Variants in TMPRSS4 observed in about 807,000 individuals in gnomAD.
The protein encoded by TMPRSS4 is transmembrane protease serine 4.
In TMPRSS4, 45 loss-of-function variants were observed where a neutral mutation model predicts 56.4. The observed-to-expected ratio is 0.80, with a 90% CI of 0.63 to 1.02. The LOEUF (loss-of-function observed/expected upper bound fraction) is 1.02. Ranked by LOEUF, TMPRSS4 falls within the 50% of genes least tolerant of loss-of-function variation. The probability of loss-of-function intolerance (pLI) is 0.00; values close to 1 mark genes in which losing one functional copy is unlikely to be tolerated. For missense variants in TMPRSS4, 546 were observed against 556.7 expected (o/e 0.98, Z 0.19); for synonymous variants, 205 against 211.0 (o/e 0.97, Z 0.25).
intron 3 of TMPRSS4, among the ~76,000 whole-genome samples, chr11:118,100,646 G>T (rs535381392): frequency 6.6e-6 from 1 of 152,324 alleles, no homozygotes; most frequent in East Asian, 1.9e-4. Flanking sequence ...GACCTTGGTT[G>T]CCCACATGAT....
At chr11:118,077,469 T>A (rs1003068665) in intron 1 of TMPRSS4, among the ~76,000 whole-genome samples, 164 bp downstream of exon 1, 42 of 152,136 alleles carry the variant, frequency 2.8e-4, no homozygotes. Context: ...CCGGTACACG[T>A]CTCATACCCA....
rs1025462438 is a variant in TMPRSS4, at chr11:118,121,326, C to T, written c.*3413C>T. 1.4e-5 allele frequency: 2 copies of T among 146,110 alleles called. No homozygotes were observed. The highest frequency in any genetic ancestry group is 5.1e-5 in the African/African-American group (2 of 39,120). The allele number at this position is 146,110 out of a possible 1,614,324, so 9.1% of individuals were successfully genotyped here. On this transcript the variant is annotated 3_prime_UTR_variant, in exon 13 of 13. Coordinates refer to ENST00000437212, the MANE Select transcript of TMPRSS4 (RefSeq NM_019894.4). ...TTGTGAAAATGTAGGTAAGTCTAAA[C>T]ACACTCTGTCTACTTCTTCTTCTTC... is the stretch of plus-strand genomic sequence containing the variant.
chr11:118,079,060 G>A (rs1039965041), intron 1 of TMPRSS4, among the ~76,000 whole-genome samples: 2 of 152,122 alleles, frequency 1.3e-5, no homozygotes, highest in Non-Finnish European at 2.9e-5. Flanking sequence ...GAGGAGCGGG[G>A]GAGGGCAGGT....
chr11:118,082,009 C>T (rs748536364), intron 1 of TMPRSS4, among the ~76,000 whole-genome samples: 1 of 152,200 alleles, frequency 6.6e-6, no homozygotes, highest in Non-Finnish European at 1.5e-5. Flanking sequence ...ATCCCATCTC[C>T]ACCCTGACAT....
intron 6 of TMPRSS4, 148 bp downstream of exon 6, chr11:118,108,023 G>T: frequency 1.6e-6 from 1 of 630,742 alleles, no homozygotes; most frequent in Non-Finnish European, 2.8e-6. Context: ...ATCATTCAAT[G>T]CCAAGAGCTA....
At chr11:118,103,501 C>T (rs1424277824) in intron 4 of TMPRSS4, among the ~76,000 whole-genome samples, 1 of 152,190 alleles carries the variant, frequency 6.6e-6, no homozygotes, top group Non-Finnish European at 1.5e-5. Context: ...TCTGCCTCAG[C>T]CTCATGAGTA....
rs2276130 is a variant in TMPRSS4 at position 118,102,989 on chromosome 11, A to G, written c.158-112A>G. The G allele has an allele frequency of 0.01, 14,500 of 1,410,854 alleles. 537 individuals carry two copies. In the East Asian group the frequency reaches 0.13, roughly 13 times the overall value. 87.4% of individuals were successfully genotyped at this position (1,410,854 alleles called of 1,614,324 possible). ...TACCAAGTAGCAAAACTGAGCCTGG[A>G]ACTCACACATGCGTGTCTGAGAGCC... On this transcript the variant is annotated intron_variant, in intron 3 of 12. Transcript: ENST00000437212.
intron 5 of TMPRSS4, chr11:118,106,153 A>T (rs370995441): frequency 7.2e-5 from 11 of 152,232 alleles, no homozygotes; most frequent in African/African-American, 2.7e-4. Flanking sequence ...TTCCTGGCAC[A>T]GCAGGCTGAG....
At chr11:118,093,219 G>T (rs1238949995) in intron 1 of TMPRSS4, among the ~76,000 whole-genome samples, 1 of 152,172 alleles carries the variant, frequency 6.6e-6, no homozygotes, top group Non-Finnish European at 1.5e-5. Context: ...CTTAGCCGTG[G>T]AGCAAGCAAC....
At chr11:118,078,504 G>C (rs906432940) in intron 1 of TMPRSS4, among the ~76,000 whole-genome samples, 5 of 152,224 alleles carry the variant, frequency 3.3e-5, no homozygotes, top group Non-Finnish European at 5.9e-5. Flanking sequence ...GATCAGAAAG[G>C]GGAAGGGGCT....
rs1946329813 is a variant in TMPRSS4 at position 118,096,851 on chromosome 11, GAAA to G, written c.43+1997_43+1999del. Among the ~76,000 whole-genome samples, 2 of 15,862 alleles carry G rather than the reference GAAA, an allele frequency of 1.3e-4. 1 individual carries two copies. Among genetic ancestry groups the G allele is most frequent in the African/African-American group, 6.4e-4 (2 of 3,130 alleles). 10.4% of individuals were successfully genotyped at this position (15,862 alleles called of 152,430 possible). On this transcript the variant is annotated intron_variant, in intron 2 of 12. Transcript: ENST00000437212. The stretch of plus-strand genomic sequence containing the variant: ...AGAAAGAAAGAAGGAAAGAAGGAAA[GAAA>G]GAAAGAAAGAAAGAAAGAAAGAAAG...
chr11:118,112,382 T>A (rs1289097734), intron 8 of TMPRSS4, among the ~76,000 whole-genome samples: 11 of 80,120 alleles, frequency 1.4e-4, no homozygotes, highest in Non-Finnish European at 3.0e-4. Context: ...CCCTTCACTT[T>A]TTTTTTTTTT....
Position 118,118,612 on chromosome 11 carries a change from C to G in TMPRSS4, c.*699C>G. The G allele has an allele frequency of 2.0e-6, 2 of 985,432 alleles. No individual in the cohort carries two copies. Among genetic ancestry groups the G allele is most frequent in the Non-Finnish European group, 2.4e-6 (2 of 829,972 alleles). 61.0% of individuals were successfully genotyped at this position (985,432 alleles called of 1,614,324 possible). A position where few individuals can be genotyped will look rare whatever the true frequency, so the allele number is the denominator to read the frequency against. ...GGAGACCAGATCTGCTGAGTGGCAG[C>G]AAGAGTGAGCTGCAGATTACAGAAA... On this transcript the variant is annotated 3_prime_UTR_variant, in exon 13 of 13. Transcript: ENST00000437212.
Position 118,093,765 on chromosome 11 carries a change from G to T in TMPRSS4, c.4-1051G>T, listed in dbSNP as rs1476357715. 2.0e-5 allele frequency among the ~76,000 whole-genome samples: 3 copies of T among 151,968 alleles called. No homozygotes were observed. The East Asian group carries it at 5.8e-4, about 29-fold the overall frequency. On this transcript the variant is annotated intron_variant, in intron 1 of 12. Coordinates refer to ENST00000437212, the MANE Select transcript of TMPRSS4 (RefSeq NM_019894.4). Reference sequence around the variant, plus strand: ...TAACCAATGTTGAAAACAAGATCCAGAAGTTTTCCTATGTTCCAGAAGACT... The same window carrying T: ...TAACCAATGTTGAAAACAAGATCCATAAGTTTTCCTATGTTCCAGAAGACT...
At chr11:118,099,749 G>A (rs1042259686) in intron 3 of TMPRSS4, among the ~76,000 whole-genome samples, 3 of 152,158 alleles carry the variant, frequency 2.0e-5, no homozygotes, top group African/African-American at 7.2e-5. Flanking sequence ...AACAGGGCGA[G>A]TTTCTGCTTG....
chr11:118,103,546 T>G (rs1393031244), intron 4 of TMPRSS4, among the ~76,000 whole-genome samples: 1 of 152,152 alleles, frequency 6.6e-6, no homozygotes, highest in Non-Finnish European at 1.5e-5. Context: ...CACGCCTGGC[T>G]AATTTTTATA....
rs201701955 is a variant in TMPRSS4, at chr11:118,103,128, T to C, written c.185T>C (p.Phe62Ser). ...LIKVILDKYY[F>S]LCGQPLHFIP... ...AAGGTGATTCTGGATAAATACTACT[T>C]CCTCTGCGGGCAGCCTCTCCACTTC... The change falls in exon 4 of 13, where the codon TTC becomes TCC. Residue 62 changes from phenylalanine (F) to serine (S), a missense_variant. Transcript: ENST00000437212. 2 of 1,614,188 alleles carry C rather than the reference T, an allele frequency of 1.2e-6. No homozygotes were observed. The highest frequency in any genetic ancestry group is 2.7e-5 in the African/African-American group (2 of 75,056).
Position 118,104,608 on chromosome 11 carries a change from T to C in TMPRSS4, c.311-83T>C, listed in dbSNP as rs976890262. ...CCCCCAGTTCTAGGTTGGGGGAGCT[T>C]GGGCTGGTCTCATGATGAGTTCTGA... On this transcript the variant is annotated intron_variant, in intron 4 of 12. Transcript: ENST00000437212. 5.6e-6 allele frequency: 9 copies of C among 1,601,208 alleles called. No individual in the cohort carries two copies. The African/African-American group carries it at 1.1e-4, about 19-fold the overall frequency.
At chr11:118,089,804 T>A (rs1404500163) in intron 1 of TMPRSS4, among the ~76,000 whole-genome samples, 1 of 152,206 alleles carries the variant, frequency 6.6e-6, no homozygotes. Context: ...CTATATGTAA[T>A]CTTTTGGGAC....
Sources: allele counts gnomAD v4.1 joint callset (sites outside exome capture counted in the v4.1 genomes callset), GRCh38; gene constraint gnomAD v4.1.1; transcripts MANE v1.5; gene names NCBI Gene and HGNC (gene_info 2026-07-23, HGNC 2026-07-21).